The following MLLT6 variants were observed in gnomAD, a reference collection of about 807,000 sequenced individuals.
MLLT6 encodes protein AF-17.
In MLLT6, 22 loss-of-function variants were observed where a neutral mutation model predicts 103.0. The observed-to-expected ratio is 0.21, with a 90% CI of 0.15 to 0.31. The LOEUF is 0.31. Among genes scored for constraint, MLLT6 ranks in the 10% least tolerant of loss-of-function variants. The pLI, the probability that MLLT6 is intolerant of heterozygous loss-of-function variation, is 1.00. For missense variants in MLLT6, 1,199 were observed against 1,441.7 expected, an observed-to-expected ratio of 0.83 and a Z score of 2.73; for synonymous variants, 606 against 623.5, an observed-to-expected ratio of 0.97 and a Z score of 0.42.
In MLLT6 at chr17:38,728,452, C is replaced by T. The variant is rs1414767008; in HGVS notation, c.*2854C>T. On this transcript the variant is annotated 3_prime_UTR_variant, in exon 20 of 20. Coordinates refer to ENST00000621332, the MANE Select transcript of MLLT6 (RefSeq NM_005937.4). The stretch of plus-strand genomic sequence containing the variant: ...TTGGAAACGCATGAGAGCAGAGCTT[C>T]GTGTGTTCCCACCCTCAGTGAGGAG... 2.6e-5 allele frequency: 6 copies of T among 233,268 alleles called. No homozygotes were observed. The highest frequency in any genetic ancestry group is 2.4e-4 in the East Asian group (4 of 16,596). 14.4% of individuals were successfully genotyped at this position (233,268 alleles called of 1,614,324 possible). A position where few individuals can be genotyped will look rare whatever the true frequency, so the allele number is the denominator to read the frequency against.
intron 16 of MLLT6, chr17:38,720,949 A>C: frequency 1.7e-6 from 1 of 604,448 alleles, no homozygotes; most frequent in Non-Finnish European, 2.9e-6. Flanking sequence ...TCAGTGAGCA[A>C]AACCGGCACA....
Position 38,727,796 on chromosome 17 carries a change from A to G in MLLT6, c.*2198A>G, listed in dbSNP as rs990701499. ...TGTGAGAGAGTGAGACTCTGTCTCA[A>G]AAGAGAAAAAAAAAGAAAAGTAACC... On this transcript the variant is annotated 3_prime_UTR_variant, in exon 20 of 20. Coordinates refer to ENST00000621332, the MANE Select transcript of MLLT6 (RefSeq NM_005937.4). 5 of 228,108 alleles carry G rather than the reference A, an allele frequency of 2.2e-5. No individual in the cohort carries two copies. The South Asian group carries it at 7.3e-4, about 33-fold the overall frequency. 14.1% of individuals were successfully genotyped at this position (228,108 alleles called of 1,614,324 possible).
rs1905559235 is a variant in MLLT6 at position 38,719,572 on chromosome 17, T to A, written c.1998T>A (p.Ser666Arg). The A allele has an allele frequency of 1.2e-6, 2 of 1,608,630 alleles. No individual in the cohort carries two copies. The highest frequency in any genetic ancestry group is 1.7e-6 in the Non-Finnish European group (2 of 1,177,772). The change falls in exon 13 of 20, where the codon AGT becomes AGA. Residue 666 changes from serine to arginine, a missense_variant. Physicochemically the swap from Ser to Arg is moderately radical, Grantham distance 110. Coordinates refer to ENST00000621332, the MANE Select transcript of MLLT6 (RefSeq NM_005937.4). Reference sequence around the variant, plus strand: ...GTCGGGGGACCTCCCCTCAGGAGAGTCTGTCTTCCATGTGAGGGAAGGGGC... The same window carrying A: ...GTCGGGGGACCTCCCCTCAGGAGAGACTGTCTTCCATGTGAGGGAAGGGGC... ...FRCRGTSPQE[S>R]LSSMSPISSL...
chr17:38,717,228 C>A (rs929766971), intron 10 of MLLT6, among the ~76,000 whole-genome samples: 1 of 152,104 alleles, frequency 6.6e-6, no homozygotes, highest in African/African-American at 2.4e-5. Flanking sequence ...CTGTAGCCCT[C>A]GGCAGGGCAG....
rs576934468 is a variant in MLLT6 at position 38,727,990 on chromosome 17, G to A, written c.*2392G>A. On this transcript the variant is annotated 3_prime_UTR_variant, in exon 20 of 20. Coordinates refer to ENST00000621332, the MANE Select transcript of MLLT6 (RefSeq NM_005937.4). ...AAGTGATTCTGTGCATTGAAACCAA[G>A]ACACCCCACCCAGAACACTTCTTCC... 2.5e-4 allele frequency: 58 copies of A among 233,208 alleles called. No individual in the cohort carries two copies. In the East Asian group the frequency reaches 3.4e-3, roughly 14 times the overall value. The allele number at this position is 233,208 out of a possible 1,614,324, so 14.4% of individuals were successfully genotyped here.
rs767455574 is a variant in MLLT6 at position 38,717,558 on chromosome 17, G to A, written c.1778G>A (p.Arg593His). The stretch of plus-strand genomic sequence containing the variant: ...ACCTCGGCCCTGCCCCGCCTCAGCC[G>A]CTCCCCGTTCACCAGCACCCTCCCC... ...PGTSALPRLS[R>H]SPFTSTLPSS... Residue 593 changes from arginine (R) to histidine (H), a missense_variant, in exon 11 of 20, where the codon CGC becomes CAC. By Grantham distance (29) the Arg-to-His change is conservative. Transcript: ENST00000621332. 1.2e-5 allele frequency: 19 copies of A among 1,613,662 alleles called. No homozygotes were observed. The highest frequency in any genetic ancestry group is 6.6e-5 in the South Asian group (6 of 91,036).
chr17:38,721,864 C>A lies in MLLT6; in HGVS notation c.2443-14C>A. On this transcript the variant is annotated splice_polypyrimidine_tract_variant and intron_variant, in intron 16 of 19. Transcript: ENST00000621332. ...GCTGGCCCTCTGACCCCTCCCTTCC[C>A]CCTCCCTCCCCAGGACCCACACTCA... is the stretch of plus-strand genomic sequence containing the variant. The A allele has an allele frequency of 6.5e-7, 1 of 1,542,046 alleles. No homozygotes were observed. Among genetic ancestry groups the A allele is most frequent in the South Asian group, 1.2e-5 (1 of 85,034 alleles).
Position 38,709,459 on chromosome 17 carries a change from C to T in MLLT6, c.459-23C>T. On this transcript the variant is annotated intron_variant, in intron 5 of 19. Transcript: ENST00000621332. The surrounding 1 kb of genome is among the most constrained non-coding windows in gnomAD (Gnocchi z 4.3). ...TCATGTGATCTGTGGCCTCAGCCGT[C>T]TCAGGCTGCCTTCTCTGGTTAGTGC... The T allele has an allele frequency of 3.1e-6, 5 of 1,605,196 alleles. No individual in the cohort carries two copies. The highest frequency in any genetic ancestry group is 4.3e-6 in the Non-Finnish European group (5 of 1,171,788).
chr17:38,722,915 C>A, intron 18 of MLLT6, 147 bp downstream of exon 18: 1 of 656,420 alleles, frequency 1.5e-6, no homozygotes, highest in Non-Finnish European at 2.7e-6. Context: ...GGGCTGGGCC[C>A]TGTGGAGCAT....
chr17:38,720,096 C>T, intron 14 of MLLT6: 1 of 803,226 alleles, frequency 1.2e-6, no homozygotes, highest in Non-Finnish European at 1.9e-6. Flanking sequence ...CTTTGGCCTT[C>T]GTGGCCTCCG....
chr17:38,709,311 T>A lies in MLLT6; in HGVS notation c.458+35T>A, dbSNP rs766929495. 6.4e-7 allele frequency: 1 copy of A among 1,567,206 alleles called. No individual in the cohort carries two copies. The highest frequency in any genetic ancestry group is 2.2e-5 in the East Asian group (1 of 44,658). ...CTGTCCCACCCCCCTGCCCCCCGGG[T>A]TTGTCCTGGATGGCCACTGATCAGG... On this transcript the variant is annotated intron_variant, in intron 5 of 19. Transcript: ENST00000621332. The surrounding 1 kb of genome is among the most constrained non-coding windows in gnomAD (Gnocchi z 4.3).
At chr17:38,712,628 G>T in intron 7 of MLLT6, 63 bp from the exon 8 acceptor site, 1 of 1,083,412 alleles carries the variant, frequency 9.2e-7, no homozygotes, top group Non-Finnish European at 1.4e-6. Flanking sequence ...ATACCCACAT[G>T]TCATGTTTGT....
intron 16 of MLLT6, 72 bp from the exon 17 acceptor site, chr17:38,721,801 ATGCTG>A: frequency 9.9e-7 from 1 of 1,006,984 alleles, no homozygotes; most frequent in Non-Finnish European, 1.4e-6. Context: ...CTCTGTGAGA[ATGCTG>A]GTGGGTGCTG....
Position 38,712,672 on chromosome 17 carries a change from G to C in MLLT6, c.721-19G>C, listed in dbSNP as rs1230459125. 5 of 1,567,476 alleles carry C rather than the reference G, an allele frequency of 3.2e-6. No individual in the cohort carries two copies. Among genetic ancestry groups the C allele is most frequent in the Non-Finnish European group, 4.4e-6 (5 of 1,137,882 alleles). On this transcript the variant is annotated intron_variant, in intron 7 of 19. Coordinates refer to ENST00000621332, the MANE Select transcript of MLLT6 (RefSeq NM_005937.4). Reference sequence around the variant, plus strand: ...AGACAGCCCCCCAGCACAATATCTAGTCACCTCTCCCTCTCCAGAGTCGAA... The same window carrying C: ...AGACAGCCCCCCAGCACAATATCTACTCACCTCTCCCTCTCCAGAGTCGAA...
In MLLT6 at chr17:38,721,990, C is replaced by G. The variant is rs1056832669; in HGVS notation, c.2555C>G (p.Pro852Arg). ...QSPATLPLAL[P>R]GAPAPLPPQP... The stretch of plus-strand genomic sequence containing the variant: ...CCTGCCACTCTGCCCCTGGCCCTGC[C>G]TGGGGCCCCTGCCCCACTCCCGCCC... Residue 852 changes from proline to arginine, a missense_variant, in exon 17 of 20, where the codon CCT becomes CGT. Coordinates refer to ENST00000621332, the MANE Select transcript of MLLT6 (RefSeq NM_005937.4). The G allele has an allele frequency of 2.1e-5, 31 of 1,495,114 alleles. No homozygotes were observed. In the Admixed American group the frequency reaches 4.2e-4, roughly 20 times the overall value. 92.6% of individuals were successfully genotyped at this position (1,495,114 alleles called of 1,614,324 possible).
chr17:38,722,450 T>C (rs1381488646), intron 17 of MLLT6, among the ~76,000 whole-genome samples: 1 of 152,198 alleles, frequency 6.6e-6, no homozygotes, highest in Admixed American at 6.5e-5. Flanking sequence ...AATTGTTGAC[T>C]TCCTGTCCTG....
chr17:38,724,645 TGATCCAGCA>T lies in MLLT6; in HGVS notation c.2921_2929del (p.Ile974_Gln976del). 3.7e-6 allele frequency: 6 copies of T among 1,606,572 alleles called. No individual in the cohort carries two copies. Among genetic ancestry groups the T allele is most frequent in the Non-Finnish European group, 5.1e-6 (6 of 1,175,454 alleles). On this transcript the variant is annotated inframe_deletion, in exon 19 of 20. Transcript: ENST00000621332. The surrounding 1 kb of genome is among the most constrained non-coding windows in gnomAD (Gnocchi z 5.4). ...GAACACCAGACTGTTGTCTACCAGA[TGATCCAGCA>T]GATCCAGCAGAAACGGGAGCTGCAG...
chr17:38,716,422 AGAG>A lies in MLLT6; in HGVS notation c.1098_1100del (p.Glu366del). The A allele has an allele frequency of 6.2e-7, 1 of 1,613,836 alleles. No homozygotes were observed. ...CTGCATTCCCCAAGCTGGAGCAGCC[AGAG>A]GAGGACAAGTACTCCAAGCCCACAG... is the stretch of plus-strand genomic sequence containing the variant. On this transcript the variant is annotated inframe_deletion, in exon 10 of 20. Coordinates refer to ENST00000621332, the MANE Select transcript of MLLT6 (RefSeq NM_005937.4). The surrounding 1 kb of genome is among the most constrained non-coding windows in gnomAD (Gnocchi z 5.6).
At position 38,724,998 on chromosome 17, in the gene MLLT6, T is replaced by C. The variant is rs1905948885; in HGVS notation, c.3240+22T>C. ...AGGGGTGAGTAAGGGGCCCGGGGCC[T>C]TCCTGCCTCCCCTCTGAGGGATGGG... On this transcript the variant is annotated intron_variant, in intron 19 of 19. Transcript: ENST00000621332. The surrounding 1 kb of genome is among the most constrained non-coding windows in gnomAD (Gnocchi z 5.4). The C allele has an allele frequency of 1.4e-6, 2 of 1,442,312 alleles. No individual in the cohort carries two copies. Among genetic ancestry groups the C allele is most frequent in the East Asian group, 2.5e-5 (1 of 40,042 alleles). The allele number at this position is 1,442,312 out of a possible 1,614,324, so 89.3% of individuals were successfully genotyped here. A position where few individuals can be genotyped will look rare whatever the true frequency, so the allele number is the denominator to read the frequency against.
Sources: gnomAD v4.1 joint callset for allele counts (sites outside exome capture counted in the v4.1 genomes callset) on GRCh38, gnomAD v4.1.1 for gene constraint, Gnocchi (gnomAD v3.1) non-coding constraint, MANE v1.5 for transcripts, NCBI Gene and HGNC (gene_info 2026-07-23, HGNC 2026-07-21) for gene names.